Variants in DNAH12 observed in about 807,000 individuals in gnomAD.
The protein encoded by DNAH12 is dynein axonemal heavy chain 12.
Under a neutral mutation model 371.5 loss-of-function variants are expected in DNAH12, and 285 were observed. That is an observed-to-expected ratio of 0.77 (90% CI 0.70 to 0.85). The LOEUF (loss-of-function observed/expected upper bound fraction) is 0.85. DNAH12 is among the 40% of genes least tolerant of loss of function. The pLI, the probability that DNAH12 is intolerant of heterozygous loss-of-function variation, is 0.00. For missense variants in DNAH12, 3,611 were observed against 3,689.4 expected (o/e 0.98, Z 0.55); for synonymous variants, 1,200 against 1,213.0 (o/e 0.99, Z 0.22).
At chr3:57,334,034 A>G (rs146669889) in intron 62 of DNAH12, among the ~76,000 whole-genome samples, 4 of 152,356 alleles carry the variant, frequency 2.6e-5, no homozygotes, top group Admixed American at 6.5e-5. Flanking sequence ...TTTAGAGATG[A>G]AATACACAAT....
rs750504638 is a variant in DNAH12, at chr3:57,314,527, T to G, written c.10629A>C (p.Glu3543Asp). The change falls in exon 66 of 74, where the codon GAA becomes GAC. Residue 3543 changes from glutamate (E) to aspartate (D), a missense_variant. Glu to Asp is a conservative substitution (Grantham distance 45). Transcript: ENST00000495027. ...LGWNIPYGFN[E>D]SDLRISIRQL... ...GTCGGATACTGATGCGCAAGTCAGA[T>G]TCATTAAATCCATATGGAATATTCC... 1.1e-5 allele frequency: 17 copies of G among 1,551,104 alleles called. No homozygotes were observed. Among genetic ancestry groups the G allele is most frequent in the Non-Finnish European group, 1.5e-5 (17 of 1,146,886 alleles).
At chr3:57,427,138 A>ATGTGTGTGTG (rs71088070) in intron 34 of DNAH12, among the ~76,000 whole-genome samples, 13,297 of 138,712 alleles carry the variant, frequency 0.096, 783 homozygotes, top group South Asian at 0.15. Context: ...TAAGAAGCGA[A>ATGTGTGTGTG]TGTGTGTGTG....
chr3:57,500,874 G>C (rs2067518278), intron 11 of DNAH12, among the ~76,000 whole-genome samples: 1 of 152,106 alleles, frequency 6.6e-6, no homozygotes, highest in Non-Finnish European at 1.5e-5. Flanking sequence ...TCTTGCCTCA[G>C]CCTCCTGAGT....
chr3:57,343,324 C>CACTTTGACCCAACT (rs1358514610), intron 60 of DNAH12, among the ~76,000 whole-genome samples: 3 of 152,198 alleles, frequency 2.0e-5, no homozygotes, highest in African/African-American at 7.2e-5. Flanking sequence ...TTGCCCCAGC[C>CACTTTGACCCAACT]ACTTTGACCC....
chr3:57,332,776 G>A (rs1212923277), intron 62 of DNAH12, among the ~76,000 whole-genome samples: 1 of 152,170 alleles, frequency 6.6e-6, no homozygotes, highest in East Asian at 1.9e-4. Flanking sequence ...GCTGTAACCA[G>A]GAGATCTGGG....
intron 11 of DNAH12, among the ~76,000 whole-genome samples, chr3:57,491,753 T>C (rs1186237242): frequency 1.3e-5 from 2 of 151,390 alleles, no homozygotes; most frequent in Non-Finnish European, 2.9e-5. Context: ...CTGAGCAACA[T>C]AGGGAAACCC....
chr3:57,442,606 A>C (rs912800045), intron 29 of DNAH12, among the ~76,000 whole-genome samples: 1 of 152,204 alleles, frequency 6.6e-6, no homozygotes, highest in African/African-American at 2.4e-5. Context: ...TACAGAACCC[A>C]TTAAAAAGCA....
chr3:57,498,485 C>T, intron 11 of DNAH12: 1 of 713,488 alleles, frequency 1.4e-6, no homozygotes, highest in Non-Finnish European at 2.6e-6. Context: ...CCTGGCTTAA[C>T]AGTTTCTTAA....
intron 4 of DNAH12, among the ~76,000 whole-genome samples, chr3:57,515,732 A>C (rs957639383): frequency 1.3e-5 from 2 of 152,092 alleles, no homozygotes; most frequent in Non-Finnish European, 2.9e-5. Context: ...GTTCTTTCTT[A>C]CTACAGAATT....
chr3:57,347,828 A>C (rs1553658632), intron 60 of DNAH12, among the ~76,000 whole-genome samples: 2 of 152,176 alleles, frequency 1.3e-5, no homozygotes, highest in Non-Finnish European at 2.9e-5. Flanking sequence ...TTTCATTAGG[A>C]AATTCCAAAT....
Position 57,476,636 on chromosome 3 carries a change from G to C in DNAH12, c.1651-3965C>G, listed in dbSNP as rs1293407744. ...GACAAGGGATTATGATGGGCTTCTA[G>C]AGCGTTGGCAAGGTTCTATTTATTT... On this transcript the variant is annotated intron_variant, in intron 13 of 73. Coordinates refer to ENST00000495027, the MANE Select transcript of DNAH12 (RefSeq NM_001366028.2). Among the ~76,000 whole-genome samples, 6 of 152,300 alleles carry C rather than the reference G, an allele frequency of 3.9e-5. No individual in the cohort carries two copies. The South Asian group carries it at 8.3e-4, about 21-fold the overall frequency.
chr3:57,403,292 C>T lies in DNAH12; in HGVS notation c.6948+17G>A, dbSNP rs781839574. The T allele has an allele frequency of 2.8e-5, 43 of 1,530,012 alleles. No homozygotes were observed. The highest frequency in any genetic ancestry group is 3.7e-5 in the Non-Finnish European group (42 of 1,138,596). The allele number at this position is 1,530,012 out of a possible 1,614,324, so 94.8% of individuals were successfully genotyped here. On this transcript the variant is annotated intron_variant, in intron 43 of 73. Transcript: ENST00000495027. ...TACTGTTTTCATTTTAGATACTAGG[C>T]TTCTTCATAATTTTACCTTCATATC...
rs1263627860 is a variant in DNAH12, at chr3:57,504,285, T to G, written c.898-81A>C. 8.2e-6 allele frequency: 10 copies of G among 1,214,042 alleles called. No individual in the cohort carries two copies. In the East Asian group the frequency reaches 1.7e-4, roughly 21 times the overall value. The allele number at this position is 1,214,042 out of a possible 1,614,324, so 75.2% of individuals were successfully genotyped here. Reference sequence around the variant, plus strand: ...AATCAGTAAACTGATTATAATTGTCTATATCTGATTATAATTGTCTATAAT... The same window carrying G: ...AATCAGTAAACTGATTATAATTGTCGATATCTGATTATAATTGTCTATAAT... On this transcript the variant is annotated intron_variant, in intron 8 of 73. Coordinates refer to ENST00000495027, the MANE Select transcript of DNAH12 (RefSeq NM_001366028.2).
intron 16 of DNAH12, 145 bp downstream of exon 16, chr3:57,470,298 T>C (rs1328733115): frequency 1.3e-6 from 1 of 759,916 alleles, no homozygotes; most frequent in African/African-American, 1.8e-5. Flanking sequence ...CAGCACTGGA[T>C]GTTTCTCCTA....
intron 28 of DNAH12, 56 bp downstream of exon 28, chr3:57,445,118 C>G: frequency 2.0e-6 from 3 of 1,467,554 alleles, no homozygotes; most frequent in Non-Finnish European, 2.7e-6. Context: ...ATTAACCTCA[C>G]TAAAGAAAAT....
chr3:57,347,749 G>A (rs1399791594), intron 60 of DNAH12, among the ~76,000 whole-genome samples: 2 of 148,558 alleles, frequency 1.3e-5, no homozygotes, highest in Non-Finnish European at 3.0e-5. Flanking sequence ...CAAAAGACCT[G>A]AACAGACATT....
intron 62 of DNAH12, among the ~76,000 whole-genome samples, chr3:57,323,933 C>G (rs1441712653): frequency 6.6e-6 from 1 of 152,152 alleles, no homozygotes; most frequent in Non-Finnish European, 1.5e-5. Context: ...ACTTATTTGT[C>G]TCTGTTTGGT....
In DNAH12 at chr3:57,323,611, T is replaced by C. The variant is rs769094739; in HGVS notation, c.9987A>G (p.Pro3329=). 1 of 1,541,268 alleles carries C rather than the reference T, an allele frequency of 6.5e-7. No individual in the cohort carries two copies. Among genetic ancestry groups the C allele is most frequent in the African/African-American group, 1.4e-5 (1 of 72,528 alleles). The part of the protein sequence containing the change: ...LRCLRPDKIT[P]AITNYVTDKL... The stretch of plus-strand genomic sequence containing the variant: ...TGTCAGTTACATAGTTTGTTATAGC[T>C]GGGGTTATCTGTTGAAGAGAAAAGA... Residue 3329 remains proline (P), a synonymous_variant, in exon 63 of 74, where the codon CCA becomes CCG. Transcript: ENST00000495027.
At position 57,314,502 on chromosome 3, in the gene DNAH12, G is replaced by A. The variant is rs1191637081; in HGVS notation, c.10654C>T (p.Gln3552Ter). 6.4e-7 allele frequency: 1 copy of A among 1,550,760 alleles called. No individual in the cohort carries two copies. Among genetic ancestry groups the A allele is most frequent in the East Asian group, 2.4e-5 (1 of 40,892 alleles). The change falls in exon 66 of 74, where the codon CAA becomes TAA. Residue 3552 changes from glutamine (Q) to a stop codon, truncating the protein, a stop_gained. Coordinates refer to ENST00000495027, the MANE Select transcript of DNAH12 (RefSeq NM_001366028.2). LOFTEE classifies it high-confidence loss of function. The part of the protein sequence containing the change: ...NESDLRISIR[Q>*]LQLFINEYDT... ...TTTCTTGTTAATTTTACCTGCAGTT[G>A]TCGGATACTGATGCGCAAGTCAGAT... is the stretch of plus-strand genomic sequence containing the variant.
Sources: allele counts gnomAD v4.1 joint callset (sites outside exome capture counted in the v4.1 genomes callset), GRCh38; gene constraint gnomAD v4.1.1; transcripts MANE v1.5; gene names NCBI Gene and HGNC (gene_info 2026-07-23, HGNC 2026-07-21).